CPNE9: variants seen among roughly 807,000 people sequenced by gnomAD.
CPNE9 encodes copine family member 9.
In CPNE9, 59 loss-of-function variants were observed where a neutral mutation model predicts 83.0. The ratio of observed to expected loss-of-function variants is 0.71; its 90% confidence interval spans 0.58 to 0.88. CPNE9 has a LOEUF of 0.88. Among genes scored for constraint, CPNE9 ranks in the 40% least tolerant of loss-of-function variants. The pLI is 0.00. For synonymous variants in CPNE9, 256 were observed against 273.4 expected (o/e 0.94, Z 0.63); for missense variants, 619 against 720.8 (o/e 0.86, Z 1.62).
intron 7 of CPNE9, among the ~76,000 whole-genome samples, chr3:9,706,636 A>G (rs1215246059): frequency 6.6e-6 from 1 of 152,258 alleles, no homozygotes; most frequent in Admixed American, 6.5e-5. Context: ...AGTAAATTAC[A>G]TAATAGATTA....
chr3:9,714,097 A>T (rs1228243810), intron 10 of CPNE9, among the ~76,000 whole-genome samples: 2 of 151,832 alleles, frequency 1.3e-5, no homozygotes, highest in Non-Finnish European at 2.9e-5. Flanking sequence ...TAAATAAATA[A>T]TAAAGATAGG....
At chr3:9,727,537 A>C in intron 20 of CPNE9, 1 of 639,252 alleles carries the variant, frequency 1.6e-6, no homozygotes, top group East Asian at 2.7e-5. Context: ...TAGGTACAGT[A>C]GTCAGGAAAG....
At chr3:9,726,747 G>A (rs757519212) in intron 19 of CPNE9, 25 bp downstream of exon 19, 2 of 1,608,086 alleles carry the variant, frequency 1.2e-6, no homozygotes, top group Non-Finnish European at 1.7e-6. Flanking sequence ...GTGTCCCTGA[G>A]TGGGACTAAG....
chr3:9,718,238 C>A (rs11918935), intron 16 of CPNE9, 28 bp downstream of exon 16: 3 of 1,570,466 alleles, frequency 1.9e-6, no homozygotes, highest in South Asian at 1.2e-5. Flanking sequence ...GCTTACCCTC[C>A]GTGCCCTGGC....
Position 9,704,738 on chromosome 3 carries a change from C to G in CPNE9, c.110-11C>G. On this transcript the variant is annotated splice_polypyrimidine_tract_variant and intron_variant, in intron 2 of 20. Coordinates refer to ENST00000383832, the MANE Select transcript of CPNE9 (RefSeq NM_153635.3). The surrounding 1 kb of genome is among the most constrained non-coding windows in gnomAD (Gnocchi z 7.1). ...GACCTGACGTCCTTCCCTCCCCGCC[C>G]CCACCTGCAGTGGTGGTGCTTTACA... is the stretch of plus-strand genomic sequence containing the variant. The G allele has an allele frequency of 6.2e-7, 1 of 1,612,614 alleles. No homozygotes were observed. Among genetic ancestry groups the G allele is most frequent in the Non-Finnish European group, 8.5e-7 (1 of 1,179,674 alleles).
rs770146817 is a variant in CPNE9 at position 9,729,644 on chromosome 3, C to CCCA, written c.1617_1619dup (p.Pro541dup). On this transcript the variant is annotated inframe_insertion, in exon 21 of 21. Transcript: ENST00000383832. The stretch of plus-strand genomic sequence containing the variant: ...GCACCAGAGACATCCAGCCTCGGCC[C>CCCA]CCACCCCCTGCCAACCCCAGCCCGA... The CCCA allele has an allele frequency of 6.2e-7, 1 of 1,614,092 alleles. No homozygotes were observed. The highest frequency in any genetic ancestry group is 2.2e-5 in the East Asian group (1 of 44,884).
chr3:9,709,953 G>A (rs1180506546), intron 7 of CPNE9, among the ~76,000 whole-genome samples: 1 of 145,338 alleles, frequency 6.9e-6, no homozygotes, highest in African/African-American at 2.6e-5. Context: ...TCACACCATT[G>A]CACTCCAGCC....
At chr3:9,718,420 C>G (rs910143632) in intron 16 of CPNE9, 55 bp from the exon 17 acceptor site, 15 of 1,573,888 alleles carry the variant, frequency 9.5e-6, no homozygotes, top group Non-Finnish European at 1.3e-5. Context: ...GGAATCAGAG[C>G]ACTCCTGCAT....
Position 9,715,530 on chromosome 3 carries a change from A to G in CPNE9, c.822+4A>G. ...GAAATATGTCAACTCAGGAACTGTGAGTGCTCCCTAGAGCCGTGGCCCTCC... is the reference window on the plus strand; with the variant it reads ...GAAATATGTCAACTCAGGAACTGTGGGTGCTCCCTAGAGCCGTGGCCCTCC... On this transcript the variant is annotated splice_donor_region_variant and intron_variant, in intron 13 of 20. Coordinates refer to ENST00000383832, the MANE Select transcript of CPNE9 (RefSeq NM_153635.3). 1 of 1,613,042 alleles carries G rather than the reference A, an allele frequency of 6.2e-7. No homozygotes were observed. The highest frequency in any genetic ancestry group is 8.5e-7 in the Non-Finnish European group (1 of 1,179,004).
chr3:9,727,334 T>G, intron 20 of CPNE9, 148 bp downstream of exon 20: 1 of 921,012 alleles, frequency 1.1e-6, no homozygotes, highest in Non-Finnish European at 1.8e-6. Flanking sequence ...AATACATCCT[T>G]TTTGACAAAC....
chr3:9,705,841 T>A, intron 6 of CPNE9, 121 bp downstream of exon 6: 1 of 1,355,210 alleles, frequency 7.4e-7, no homozygotes, highest in Non-Finnish European at 1.0e-6. Flanking sequence ...TCACACCCCC[T>A]CCATTAAAGC....
At position 9,727,172 on chromosome 3, in the gene CPNE9, C is replaced by T. The variant is rs781590918; in HGVS notation, c.1462C>T (p.Arg488Trp). ...GTCCTCTAGGGGACGCTACGCAGAG[C>T]GGGACATCGTTCAGGTAGACCTGAC... ...RVSSRGRYAERDIVQFVPFRD... is the reference protein window; with the variant it reads ...RVSSRGRYAEWDIVQFVPFRD... The change falls in exon 20 of 21, where the codon CGG becomes TGG. Residue 488 changes from arginine to tryptophan, a missense_variant. Arg to Trp is a moderately radical substitution (Grantham distance 101, BLOSUM62 -3). Around this residue, in one of 3 missense-constraint regions of CPNE9, gnomAD observed 438 missense variants for 562.9 expected, o/e 0.78. Transcript: ENST00000383832. 3 of 1,613,992 alleles carry T rather than the reference C, an allele frequency of 1.9e-6. No individual in the cohort carries two copies. The highest frequency in any genetic ancestry group is 1.3e-5 in the African/African-American group (1 of 74,904).
Position 9,706,146 on chromosome 3 carries a change from T to C in CPNE9, c.377+83T>C, listed in dbSNP as rs111655829. The C allele has an allele frequency of 8.1e-3, 11,488 of 1,417,030 alleles. 719 individuals carry two copies. In the African/African-American group the frequency reaches 0.14, roughly 17 times the overall value. 87.8% of individuals were successfully genotyped at this position (1,417,030 alleles called of 1,614,324 possible). A position where few individuals can be genotyped will look rare whatever the true frequency, so the allele number is the denominator to read the frequency against. ...CAAGGATGCCGCTGACTGATAGAAG[T>C]GGAGGCTGGGGTTGCCCCTGGTCAG... On this transcript the variant is annotated intron_variant, in intron 7 of 20. Transcript: ENST00000383832.
At chr3:9,722,713 G>A (rs888785362) in intron 17 of CPNE9, among the ~76,000 whole-genome samples, 1 of 151,910 alleles carries the variant, frequency 6.6e-6, no homozygotes, top group Non-Finnish European at 1.5e-5. Flanking sequence ...ACAGGGTCTC[G>A]CTATGTTGCC....
rs1011345658 is a variant in CPNE9 at position 9,718,271 on chromosome 3, A to G, written c.1113+61A>G. Reference sequence around the variant, plus strand: ...GGCATCTGGTTCACCCAAGTTGATGATTTTGTTCTGTTTACATTACTTCAA... The same window carrying G: ...GGCATCTGGTTCACCCAAGTTGATGGTTTTGTTCTGTTTACATTACTTCAA... On this transcript the variant is annotated intron_variant, in intron 16 of 20. Coordinates refer to ENST00000383832, the MANE Select transcript of CPNE9 (RefSeq NM_153635.3). The G allele has an allele frequency of 2.6e-6, 4 of 1,510,842 alleles. No individual in the cohort carries two copies. The African/African-American group carries it at 4.1e-5, about 16-fold the overall frequency. The allele number at this position is 1,510,842 out of a possible 1,614,324, so 93.6% of individuals were successfully genotyped here.
intron 7 of CPNE9, among the ~76,000 whole-genome samples, chr3:9,709,120 A>G (rs2076596201): frequency 6.6e-6 from 1 of 150,590 alleles, no homozygotes; most frequent in Non-Finnish European, 1.5e-5. Flanking sequence ...CTAAAAATAC[A>G]AAAAACTTAG....
intron 10 of CPNE9, among the ~76,000 whole-genome samples, chr3:9,714,022 G>A (rs1241924629): frequency 6.6e-6 from 1 of 151,988 alleles, no homozygotes; most frequent in Non-Finnish European, 1.5e-5. Context: ...ACAGTGAGCC[G>A]AGATCACGCC....
Position 9,718,017 on chromosome 3 carries a change from G to T in CPNE9, c.932-12G>T. ...AGATGATCATGAGGCTGGGGTTCCT[G>T]TGTCCCTACAGGGAATCCTCTGCAG... On this transcript the variant is annotated splice_polypyrimidine_tract_variant and intron_variant, in intron 15 of 20. Transcript: ENST00000383832. The T allele has an allele frequency of 6.3e-7, 1 of 1,589,312 alleles. No individual in the cohort carries two copies. The highest frequency in any genetic ancestry group is 8.6e-7 in the Non-Finnish European group (1 of 1,166,678).
intron 20 of CPNE9, among the ~76,000 whole-genome samples, chr3:9,728,907 C>T (rs1182121028): frequency 6.6e-6 from 1 of 152,108 alleles, no homozygotes; most frequent in African/African-American, 2.4e-5. Flanking sequence ...CTGGTCCCTG[C>T]CCCTTGTCTC....
Sources: gnomAD v4.1 joint callset for allele counts (sites outside exome capture counted in the v4.1 genomes callset) on GRCh38, gnomAD v4.1.1 for gene constraint, gnomAD v4.1.1 regional missense constraint, Gnocchi (gnomAD v3.1) non-coding constraint, MANE v1.5 for transcripts, NCBI Gene and HGNC (gene_info 2026-07-23, HGNC 2026-07-21) for gene names.